KCNK17: variants seen among roughly 807,000 people sequenced by gnomAD.
The protein encoded by KCNK17 is potassium channel subfamily K member 17.
In KCNK17, 27 loss-of-function variants were observed where a neutral mutation model predicts 24.6. The observed-to-expected ratio is 1.10, with a 90% confidence interval of 0.81 to 1.51. The LOEUF (loss-of-function observed/expected upper bound fraction) is 1.51, where lower values mean the gene tolerates loss of function less well. Ranked by LOEUF, KCNK17 falls within the 40% of genes most tolerant of loss-of-function variation. KCNK17 has a pLI of 0.00. For missense variants in KCNK17, 450 were observed against 436.6 expected, an observed-to-expected ratio of 1.03 and a Z score of -0.27; for synonymous variants, 181 against 189.8, an observed-to-expected ratio of 0.95 and a Z score of 0.38.
chr6:39,300,300 T>A (rs527736069), intron 4 of KCNK17: 3 of 637,876 alleles, frequency 4.7e-6, no homozygotes, highest in Non-Finnish European at 8.5e-6. Context: ...TTTTTTGTAT[T>A]TTAGTAGAGA....
At chr6:39,299,792 C>T in intron 4 of KCNK17, 55 bp from the exon 5 acceptor site, 2 of 1,543,664 alleles carry the variant, frequency 1.3e-6, no homozygotes, top group Non-Finnish European at 1.8e-6. Context: ...GGACCACATT[C>T]CCCAAACAGA....
chr6:39,308,144 T>C (rs1166489876), intron 2 of KCNK17, among the ~76,000 whole-genome samples: 1 of 152,236 alleles, frequency 6.6e-6, no homozygotes, highest in Non-Finnish European at 1.5e-5. Context: ...ATCTGTTTAG[T>C]GTGTGTCCCC....
At chr6:39,311,932 G>A (rs1012406970) in intron 1 of KCNK17, among the ~76,000 whole-genome samples, 2 of 152,072 alleles carry the variant, frequency 1.3e-5, no homozygotes, top group African/African-American at 4.8e-5. Context: ...GAAGTCGCAG[G>A]TATCAGCCAA....
chr6:39,311,009 T>A lies in KCNK17; in HGVS notation c.238-2A>T, dbSNP rs1240705290. The A allele has an allele frequency of 6.3e-7, 1 of 1,594,682 alleles. No homozygotes were observed. The highest frequency in any genetic ancestry group is 8.6e-7 in the Non-Finnish European group (1 of 1,166,514). ...GTTTTTGTATGCTTGGACGACATCC[T>A]GGGGAAGAGGCTGCAATGACCACCA... On this transcript the variant is annotated splice_acceptor_variant, in intron 1 of 4. Transcript: ENST00000373231. LOFTEE classifies it high-confidence loss of function.
At chr6:39,304,744 G>A (rs1247378282) in intron 2 of KCNK17, 89 bp from the exon 3 acceptor site, 1 of 1,431,668 alleles carries the variant, frequency 7.0e-7, no homozygotes, top group Non-Finnish European at 9.7e-7. Context: ...CAACCCCCAG[G>A]GCCCTCATTC....
intron 1 of KCNK17, among the ~76,000 whole-genome samples, chr6:39,313,124 G>A (rs1334369437): frequency 6.6e-6 from 1 of 152,096 alleles, no homozygotes; most frequent in African/African-American, 2.4e-5. Context: ...CGAAGGGGTG[G>A]GGAACCAAGC....
chr6:39,310,934 A>G lies in KCNK17; in HGVS notation c.311T>C (p.Val104Ala). 1 of 1,585,312 alleles carries G rather than the reference A, an allele frequency of 6.3e-7. No individual in the cohort carries two copies. The highest frequency in any genetic ancestry group is 1.4e-5 in the African/African-American group (1 of 73,872). Reference protein sequence around the residue: ...NTTSMGRWELVGSFFFSVSTI... With the variant: ...NTTSMGRWELAGSFFFSVSTI... ...GGACACAGAAAAGAAGAAGGAGCCC[A>G]CGAGCTCCCAGCGCCCCATGCTGGT... is the stretch of plus-strand genomic sequence containing the variant. The change falls in exon 2 of 5, where the codon GTG becomes GCG. Residue 104 changes from valine (V) to alanine (A), a missense_variant. Val to Ala is a moderately conservative substitution (Grantham distance 64). Coordinates refer to ENST00000373231, the MANE Select transcript of KCNK17 (RefSeq NM_031460.4).
intron 2 of KCNK17, 26 bp downstream of exon 2, chr6:39,310,861 CCCCCAT>C: frequency 8.3e-7 from 1 of 1,202,794 alleles, no homozygotes; most frequent in Non-Finnish European, 1.2e-6. Context: ...CCTTCCCCCA[CCCCCAT>C]CCCCCTGGCC....
chr6:39,311,052 G>A, intron 1 of KCNK17, 45 bp from the exon 2 acceptor site: 1 of 1,123,422 alleles, frequency 8.9e-7, no homozygotes, highest in East Asian at 2.4e-5. Context: ...TGGGGTGATG[G>A]ATTTCCTGTA....
chr6:39,302,159 G>A (rs1053295054), intron 4 of KCNK17, among the ~76,000 whole-genome samples: 6 of 152,194 alleles, frequency 3.9e-5, no homozygotes, highest in African/African-American at 1.4e-4. Flanking sequence ...AGGGGCCCAG[G>A]AGGTAGCAAG....
chr6:39,302,026 A>G (rs1761959071), intron 4 of KCNK17, among the ~76,000 whole-genome samples: 1 of 152,184 alleles, frequency 6.6e-6, no homozygotes, highest in African/African-American at 2.4e-5. Flanking sequence ...CTATGACCTT[A>G]TGCAACTCCC....
intron 2 of KCNK17, among the ~76,000 whole-genome samples, chr6:39,307,593 G>C (rs1294358356): frequency 6.6e-6 from 1 of 152,168 alleles, no homozygotes; most frequent in Non-Finnish European, 1.5e-5. Flanking sequence ...CCCCATGGAG[G>C]CCTGCAGCGT....
At chr6:39,300,326 G>A in intron 4 of KCNK17, 1 of 713,068 alleles carries the variant, frequency 1.4e-6, no homozygotes, top group South Asian at 1.5e-5. Context: ...TTTCACCATT[G>A]TTGCCCAGGC....
At position 39,304,013 on chromosome 6, in the gene KCNK17, C is replaced by A; in HGVS notation, c.632G>T (p.Gly211Val). Residue 211 changes from glycine to valine, a missense_variant, in exon 4 of 5, where the codon GGC (glycine) becomes GTC (valine). Gly to Val is a moderately radical substitution (Grantham distance 109, BLOSUM62 -3). Coordinates refer to ENST00000373231, the MANE Select transcript of KCNK17 (RefSeq NM_031460.4). The stretch of plus-strand genomic sequence containing the variant: ...GAGGGTGATGAAGGCGAAGTAGAAG[C>A]CCTCTGTGTAGCTCCAGCCCTCCAT... ...SHMEGWSYTEGFYFAFITLST... is the reference protein window; with the variant it reads ...SHMEGWSYTEVFYFAFITLST... 6.2e-7 allele frequency: 1 copy of A among 1,613,932 alleles called. No homozygotes were observed. The highest frequency in any genetic ancestry group is 8.5e-7 in the Non-Finnish European group (1 of 1,180,018).
chr6:39,310,874 G>GCCCCCAA lies in KCNK17; in HGVS notation c.352+18_352+19insTTGGGGG. The GCCCCCAA allele has an allele frequency of 6.9e-7, 1 of 1,440,610 alleles. No homozygotes were observed. The highest frequency in any genetic ancestry group is 1.2e-5 in the South Asian group (1 of 83,334). 89.2% of individuals were successfully genotyped at this position (1,440,610 alleles called of 1,614,324 possible). ...CTCCTTCCCCCACCCCCATCCCCCT[G>GCCCCCAA]GCCCCATCTGGCCCTTACCAATGGT... On this transcript the variant is annotated intron_variant, in intron 2 of 4. Transcript: ENST00000373231.
chr6:39,309,521 G>A (rs1762095041), intron 2 of KCNK17, among the ~76,000 whole-genome samples: 1 of 152,188 alleles, frequency 6.6e-6, no homozygotes, highest in Non-Finnish European at 1.5e-5. Flanking sequence ...GGTTGAAACT[G>A]AGTGGAGAGG....
intron 4 of KCNK17, 114 bp from the exon 5 acceptor site, chr6:39,299,851 G>C: frequency 9.1e-7 from 1 of 1,102,328 alleles, no homozygotes; most frequent in Admixed American, 2.1e-5. Context: ...GGTGCCAATG[G>C]GACAGAACAT....
In KCNK17 at chr6:39,303,333, C is replaced by T. The variant is rs548761892; in HGVS notation, c.688+624G>A. Among the ~76,000 whole-genome samples the T allele has an allele frequency of 8.5e-5, 13 of 152,288 alleles. No individual in the cohort carries two copies. The South Asian group carries it at 2.1e-3, about 24-fold the overall frequency. On this transcript the variant is annotated intron_variant, in intron 4 of 4. Coordinates refer to ENST00000373231, the MANE Select transcript of KCNK17 (RefSeq NM_031460.4). The stretch of plus-strand genomic sequence containing the variant: ...AGGCTGAGCTGGGGCGCAGCCACTC[C>T]GCCACGGCACAGAATGTCCCTCCAC...
chr6:39,299,699 T>A lies in KCNK17; in HGVS notation c.727A>T (p.Asn243Tyr). The A allele has an allele frequency of 1.2e-6, 2 of 1,614,148 alleles. No homozygotes were observed. The change falls in exon 5 of 5, where the codon AAC (asparagine) becomes TAC (tyrosine). Residue 243 changes from asparagine (N) to tyrosine (Y), a missense_variant. Coordinates refer to ENST00000373231, the MANE Select transcript of KCNK17 (RefSeq NM_031460.4). ...AAGAGGATCCACAGGGACACCATGT[T>A]CTTGTACCACAGTGGGTACCTCTGG... ...PSQRYPLWYK[N>Y]MVSLWILFGM...
Sources: gnomAD v4.1 joint callset for allele counts (sites outside exome capture counted in the v4.1 genomes callset) on GRCh38, gnomAD v4.1.1 for gene constraint, MANE v1.5 for transcripts, NCBI Gene and HGNC (gene_info 2026-07-23, HGNC 2026-07-21) for gene names.